PCBP3: variants seen among roughly 807,000 people sequenced by gnomAD.
The protein encoded by PCBP3 is poly(rC) binding protein 3.
In PCBP3, 25 loss-of-function variants were observed where a neutral mutation model predicts 52.7. That is an observed-to-expected ratio of 0.47 (90% CI 0.35 to 0.66). The LOEUF (loss-of-function observed/expected upper bound fraction) is 0.66. Ranked by LOEUF, PCBP3 falls within the 30% of genes least tolerant of loss-of-function variation. The probability of loss-of-function intolerance (pLI) is 0.01; values close to 1 mark genes in which losing one functional copy is unlikely to be tolerated. For missense variants in PCBP3, 391 were observed against 490.3 expected (o/e 0.80, Z 1.91); for synonymous variants, 162 against 183.0 (o/e 0.89, Z 0.93).
At chr21:45,869,768 A>G (rs922593797) in intron 5 of PCBP3, among the ~76,000 whole-genome samples, 4 of 152,150 alleles carry the variant, frequency 2.6e-5, no homozygotes, top group Admixed American at 1.3e-4. Flanking sequence ...CTCGCCACCA[A>G]CGTTGCATGC....
chr21:45,668,315 A>G (rs564290928), intron 1 of PCBP3, among the ~76,000 whole-genome samples: 1 of 152,278 alleles, frequency 6.6e-6, no homozygotes, highest in African/African-American at 2.4e-5. Flanking sequence ...ACTGTTGTCC[A>G]CTGTCTCAGG....
chr21:45,776,988 T>A (rs1202626160), intron 4 of PCBP3, among the ~76,000 whole-genome samples: 3 of 152,204 alleles, frequency 2.0e-5, no homozygotes, highest in Non-Finnish European at 4.4e-5. Context: ...CTGTTCCTTC[T>A]TTGTGTGATG....
At chr21:45,937,889 G>T (rs1450798067) in intron 16 of PCBP3, among the ~76,000 whole-genome samples, 1 of 152,386 alleles carries the variant, frequency 6.6e-6, no homozygotes, top group South Asian at 2.1e-4. Context: ...TGGCATTTGT[G>T]GTTAGGCGGG....
intron 5 of PCBP3, among the ~76,000 whole-genome samples, chr21:45,850,548 G>A (rs989664522): frequency 2.6e-5 from 4 of 152,202 alleles, no homozygotes; most frequent in African/African-American, 9.7e-5. Flanking sequence ...GCCGTGGCTT[G>A]AGCTGCTACC....
intron 4 of PCBP3, among the ~76,000 whole-genome samples, chr21:45,755,767 C>T (rs2087976447): frequency 6.6e-6 from 1 of 152,122 alleles, no homozygotes; most frequent in East Asian, 1.9e-4. Flanking sequence ...AAAATTAAAA[C>T]ATTTTATATT....
At chr21:45,799,058 G>A (rs956998046) in intron 4 of PCBP3, among the ~76,000 whole-genome samples, 2 of 152,046 alleles carry the variant, frequency 1.3e-5, no homozygotes, top group African/African-American at 4.8e-5. Context: ...TAGAGAGGGT[G>A]AATGCGTACA....
chr21:45,727,748 T>C (rs1395105865), intron 2 of PCBP3, among the ~76,000 whole-genome samples: 1 of 152,078 alleles, frequency 6.6e-6, no homozygotes. Flanking sequence ...GGTGGGTTTG[T>C]ATTTGAAAGG....
chr21:45,698,161 A>G (rs907881476), intron 2 of PCBP3, among the ~76,000 whole-genome samples: 7 of 152,150 alleles, frequency 4.6e-5, no homozygotes, highest in African/African-American at 1.7e-4. Flanking sequence ...CAACATCCCT[A>G]TGTGCCAGGC....
chr21:45,820,634 C>G (rs1159062926), intron 4 of PCBP3, among the ~76,000 whole-genome samples: 1 of 152,156 alleles, frequency 6.6e-6, no homozygotes, highest in African/African-American at 2.4e-5. Context: ...GGGCAGCCAG[C>G]GGGGCCTGCA....
At chr21:45,926,095 A>G (rs769339317) in intron 13 of PCBP3, among the ~76,000 whole-genome samples, 36 of 152,388 alleles carry the variant, frequency 2.4e-4, no homozygotes, top group Non-Finnish European at 4.0e-4. Context: ...CTCTTAGCAC[A>G]AAGCAATTGC....
At chr21:45,808,958 A>G (rs758759835) in intron 4 of PCBP3, among the ~76,000 whole-genome samples, 3 of 152,130 alleles carry the variant, frequency 2.0e-5, no homozygotes, top group Non-Finnish European at 4.4e-5. Context: ...CAAACACCAC[A>G]TGTTCTCACT....
intron 6 of PCBP3, among the ~76,000 whole-genome samples, chr21:45,897,120 A>T (rs2095854482): frequency 6.6e-6 from 1 of 152,224 alleles, no homozygotes; most frequent in South Asian, 2.1e-4. Flanking sequence ...GCAATCTCAA[A>T]CTTACAAGGC....
Position 45,886,517 on chromosome 21 carries a change from C to T in PCBP3, c.11-9691C>T, listed in dbSNP as rs181450467. ...AGGACGTGGTAAGGTGTGGAGGAGG[C>T]CTCATTGCCTCTGGTACCAAGGGCA... is the stretch of plus-strand genomic sequence containing the variant. On this transcript the variant is annotated intron_variant, in intron 5 of 17. Coordinates refer to ENST00000681687, the MANE Select transcript of PCBP3 (RefSeq NM_001384156.1). Among the ~76,000 whole-genome samples, 11 of 147,016 alleles carry T rather than the reference C, an allele frequency of 7.5e-5. No homozygotes were observed. The East Asian group carries it at 2.2e-3, about 30-fold the overall frequency.
At chr21:45,923,521 C>T (rs1439774900) in intron 13 of PCBP3, among the ~76,000 whole-genome samples, 1 of 152,180 alleles carries the variant, frequency 6.6e-6, no homozygotes, top group Non-Finnish European at 1.5e-5. Flanking sequence ...TGCTGTTCCT[C>T]CCAGCTTGCC....
chr21:45,937,242 A>T (rs1245102311), intron 16 of PCBP3, among the ~76,000 whole-genome samples: 1 of 152,222 alleles, frequency 6.6e-6, no homozygotes, highest in African/African-American at 2.4e-5. Context: ...CCTGAGACTC[A>T]CAGGCTCCCC....
rs529051346 is a variant in PCBP3, at chr21:45,941,914, A to G, written c.*208A>G. The G allele has an allele frequency of 7.4e-5, 32 of 430,602 alleles. No individual in the cohort carries two copies. The South Asian group carries it at 2.1e-3, about 29-fold the overall frequency. The allele number at this position is 430,602 out of a possible 1,614,324, so 26.7% of individuals were successfully genotyped here. On this transcript the variant is annotated 3_prime_UTR_variant, in exon 18 of 18. Coordinates refer to ENST00000681687, the MANE Select transcript of PCBP3 (RefSeq NM_001384156.1). ...TGCAGGCTCCGCCGAGTCCCCCCTC[A>G]GTGTTATTTTATTTATGACTTACGC...
At chr21:45,890,838 G>A (rs1245227747) in intron 5 of PCBP3, among the ~76,000 whole-genome samples, 1 of 149,766 alleles carries the variant, frequency 6.7e-6, no homozygotes, top group Non-Finnish European at 1.5e-5. Flanking sequence ...ATAGAACCTG[G>A]AACTCTGCAC....
chr21:45,681,745 C>T (rs1019423900), intron 2 of PCBP3, among the ~76,000 whole-genome samples: 2 of 151,920 alleles, frequency 1.3e-5, no homozygotes, highest in Admixed American at 6.6e-5. Flanking sequence ...GTTTTGGTGT[C>T]AGGGTAATAC....
At chr21:45,732,841 T>C (rs2085560829) in intron 2 of PCBP3, 1 of 152,164 alleles carries the variant, frequency 6.6e-6, no homozygotes, top group African/African-American at 2.4e-5. Flanking sequence ...TGTTTTTGTA[T>C]AGATGGAGTC....
Sources: allele counts gnomAD v4.1 joint callset (sites outside exome capture counted in the v4.1 genomes callset), GRCh38; gene constraint gnomAD v4.1.1; transcripts MANE v1.5; gene names NCBI Gene and HGNC (gene_info 2026-07-23, HGNC 2026-07-21).